RPF2: variants seen among roughly 807,000 people sequenced by gnomAD.
The protein encoded by RPF2 is ribosome production factor 2 homolog, also known as brix domain containing 1.
Under a neutral mutation model 38.9 loss-of-function variants are expected in RPF2, and 21 were observed. The ratio of observed to expected loss-of-function variants is 0.54; its 90% CI spans 0.38 to 0.78. RPF2 has a LOEUF of 0.78. Among genes scored for constraint, RPF2 ranks in the 30% least tolerant of loss-of-function variants. RPF2 has a pLI of 0.00. For synonymous variants in RPF2, 121 were observed against 126.2 expected, an observed-to-expected ratio of 0.96 and a Z score of 0.28; for missense variants, 314 against 358.1, an observed-to-expected ratio of 0.88 and a Z score of 0.99.
Position 110,999,771 on chromosome 6 carries a change from C to G in RPF2, c.377C>G (p.Ser126Cys). 6.4e-7 allele frequency: 1 copy of G among 1,573,282 alleles called. No individual in the cohort carries two copies. The highest frequency in any genetic ancestry group is 8.7e-7 in the Non-Finnish European group (1 of 1,143,060). Reference sequence around the variant, plus strand: ...GAATTAGGTATTGAGAATTTTGTCTCTCTAAAAGACATTAAGGTAAGATAC... The same window carrying G: ...GAATTAGGTATTGAGAATTTTGTCTGTCTAAAAGACATTAAGGTAAGATAC... ...MIELGIENFVSLKDIKNSKCP... is the reference protein window; with the variant it reads ...MIELGIENFVCLKDIKNSKCP... The change falls in exon 6 of 10, where the codon TCT (serine) becomes TGT (cysteine). Residue 126 changes from serine to cysteine, a missense_variant. Transcript: ENST00000441448.
intron 4 of RPF2, among the ~76,000 whole-genome samples, chr6:110,992,235 G>A (rs967622469): frequency 2.0e-5 from 3 of 152,020 alleles, no homozygotes; most frequent in Admixed American, 1.3e-4. Flanking sequence ...ACTTGACCCC[G>A]GGAGGCAGAG....
chr6:110,989,007 G>A, intron 2 of RPF2, 21 bp from the exon 3 acceptor site: 1 of 1,594,220 alleles, frequency 6.3e-7, no homozygotes, highest in Non-Finnish European at 8.6e-7. Context: ...TGTTTTGAAA[G>A]CTATAAATTT....
At chr6:111,012,772 C>T (rs573279855) in intron 7 of RPF2, among the ~76,000 whole-genome samples, 4 of 152,214 alleles carry the variant, frequency 2.6e-5, no homozygotes, top group East Asian at 3.9e-4. Context: ...GCTGTTCAAG[C>T]GATTCTTCTG....
At chr6:111,001,784 C>A (rs1329861728) in intron 6 of RPF2, among the ~76,000 whole-genome samples, 5 of 152,206 alleles carry the variant, frequency 3.3e-5, no homozygotes, top group African/African-American at 1.2e-4. Context: ...CTGATGAGCA[C>A]CTTCCAGTCC....
intron 6 of RPF2, among the ~76,000 whole-genome samples, chr6:111,003,081 C>G (rs997055053): frequency 1.6e-4 from 17 of 104,018 alleles, no homozygotes; most frequent in African/African-American, 5.4e-4. Context: ...CATTTTTTAC[C>G]CCCCCCCCTT....
rs1278222015 is a variant in RPF2, at chr6:111,000,868, ATGT to A, written c.393+1087_393+1089del. On this transcript the variant is annotated intron_variant, in intron 6 of 9. Coordinates refer to ENST00000441448, the MANE Select transcript of RPF2 (RefSeq NM_032194.3). ...GGACTCTAGGGCTTTGAGAGAAGTG[ATGT>A]TGTTGGTAATAGAAGGTTATATAAC... is the stretch of plus-strand genomic sequence containing the variant. Among the ~76,000 whole-genome samples, 5 of 152,126 alleles carry A rather than the reference ATGT, an allele frequency of 3.3e-5. No individual in the cohort carries two copies. The East Asian group carries it at 9.7e-4, about 29-fold the overall frequency.
At chr6:111,002,894 G>A (rs976945662) in intron 6 of RPF2, among the ~76,000 whole-genome samples, 8 of 150,216 alleles carry the variant, frequency 5.3e-5, no homozygotes, top group South Asian at 2.1e-4. Flanking sequence ...TCAGCCTCCC[G>A]AGTAGCCGGG....
intron 8 of RPF2, among the ~76,000 whole-genome samples, chr6:111,020,333 G>A (rs970204403): frequency 2.0e-5 from 3 of 152,070 alleles, no homozygotes; most frequent in African/African-American, 4.8e-5. Context: ...CTCCTGCCTC[G>A]GGTGGGTATG....
rs1336171688 is a variant in RPF2, at chr6:110,982,039, T to C, written c.-68T>C. ...TACGCGCAGCTTCCGGTTCCGCCTG[T>C]TCCGGCGCACGTAATCGCCGAGGGC... is the stretch of plus-strand genomic sequence containing the variant. On this transcript the variant is annotated 5_prime_UTR_variant, in exon 1 of 10. Coordinates refer to ENST00000441448, the MANE Select transcript of RPF2 (RefSeq NM_032194.3). The C allele has an allele frequency of 1.3e-6, 2 of 1,591,342 alleles. No homozygotes were observed. The highest frequency in any genetic ancestry group is 1.7e-6 in the Non-Finnish European group (2 of 1,159,628).
intron 7 of RPF2, 58 bp from the exon 8 acceptor site, chr6:111,015,695 GT>G: frequency 8.4e-7 from 1 of 1,185,872 alleles, no homozygotes; most frequent in Non-Finnish European, 1.3e-6. Flanking sequence ...GCAGTTCTTT[GT>G]AACTGAATTT....
chr6:110,987,402 A>G (rs9398259), intron 2 of RPF2, among the ~76,000 whole-genome samples: 37,608 of 152,102 alleles, frequency 0.25, 5,376 homozygotes, highest in East Asian at 0.65. Context: ...CCTGATAAGC[A>G]TAGTCAATTC....
At chr6:111,001,217 C>T (rs1771806471) in intron 6 of RPF2, among the ~76,000 whole-genome samples, 2 of 152,248 alleles carry the variant, frequency 1.3e-5, no homozygotes, top group South Asian at 4.1e-4. Flanking sequence ...GCTTCCTTGA[C>T]CTTCAGTTGC....
Position 110,982,076 on chromosome 6 carries a change from C to A in RPF2, c.-31C>A, listed in dbSNP as rs1454398827. 11 of 1,613,898 alleles carry A rather than the reference C, an allele frequency of 6.8e-6. No homozygotes were observed. Among genetic ancestry groups the A allele is most frequent in the Non-Finnish European group, 8.5e-6 (10 of 1,179,886 alleles). On this transcript the variant is annotated 5_prime_UTR_variant, in exon 1 of 10. Coordinates refer to ENST00000441448, the MANE Select transcript of RPF2 (RefSeq NM_032194.3). Reference sequence around the variant, plus strand: ...TAATCGCCGAGGGCACGTGCATGCCCCCTGGTTAAGAGTTGCAGGTAGCGG... The same window carrying A: ...TAATCGCCGAGGGCACGTGCATGCCACCTGGTTAAGAGTTGCAGGTAGCGG...
chr6:111,016,960 A>G (rs927373492), intron 8 of RPF2, among the ~76,000 whole-genome samples: 2 of 152,128 alleles, frequency 1.3e-5, no homozygotes, highest in Non-Finnish European at 2.9e-5. Flanking sequence ...TTTAACCCTG[A>G]GTGGACACAG....
chr6:111,025,709 T>TA lies in RPF2; in HGVS notation c.*127_*128insA. 1 of 714,006 alleles carries TA rather than the reference T, an allele frequency of 1.4e-6. No individual in the cohort carries two copies. The highest frequency in any genetic ancestry group is 2.2e-6 in the Non-Finnish European group (1 of 450,768). The allele number at this position is 714,006 out of a possible 1,614,324, so 44.2% of individuals were successfully genotyped here. A position where few individuals can be genotyped will look rare whatever the true frequency, so the allele number is the denominator to read the frequency against. On this transcript the variant is annotated 3_prime_UTR_variant, in exon 10 of 10. Coordinates refer to ENST00000441448, the MANE Select transcript of RPF2 (RefSeq NM_032194.3). ...TATAACATGATAATTTTACGATATA[T>TA]TATTATGAACAGTAATATACTAGTA... is the stretch of plus-strand genomic sequence containing the variant.
chr6:111,016,391 A>G (rs1772108344), intron 8 of RPF2, among the ~76,000 whole-genome samples: 1 of 152,220 alleles, frequency 6.6e-6, no homozygotes, highest in South Asian at 2.1e-4. Context: ...CCAGGAGTTC[A>G]AAACCAGCCT....
At chr6:111,009,914 T>G (rs1165729460) in intron 7 of RPF2, among the ~76,000 whole-genome samples, 1 of 151,850 alleles carries the variant, frequency 6.6e-6, no homozygotes, top group African/African-American at 2.4e-5. Context: ...GCTTAAGCAA[T>G]CCTCCCACTT....
At chr6:111,021,038 G>A (rs1000235831) in intron 8 of RPF2, among the ~76,000 whole-genome samples, 3 of 151,894 alleles carry the variant, frequency 2.0e-5, no homozygotes, top group East Asian at 1.9e-4. Flanking sequence ...ACATGGTGGC[G>A]CATGCCTGTA....
chr6:110,982,948 T>C lies in RPF2; in HGVS notation c.23+819T>C, dbSNP rs114608229. Reference sequence around the variant, plus strand: ...ATTGCTATTTGCATTTGTTGCTGTTTAATGAGATACAAAAGATAGAATAAT... The same window carrying C: ...ATTGCTATTTGCATTTGTTGCTGTTCAATGAGATACAAAAGATAGAATAAT... On this transcript the variant is annotated intron_variant, in intron 1 of 9. Transcript: ENST00000441448. Among the ~76,000 whole-genome samples the C allele has an allele frequency of 1.9e-3, 283 of 152,346 alleles. 2 individuals are homozygous for C. The highest frequency in any genetic ancestry group is 6.7e-3 in the African/African-American group (279 of 41,576).
Sources: allele counts gnomAD v4.1 joint callset (sites outside exome capture counted in the v4.1 genomes callset), GRCh38; gene constraint gnomAD v4.1.1; transcripts MANE v1.5; gene names NCBI Gene and HGNC (gene_info 2026-07-23, HGNC 2026-07-21).